Variants in LAPTM4A observed in about 807,000 individuals in gnomAD.
The protein encoded by LAPTM4A is lysosomal protein transmembrane 4 alpha.
Under a neutral mutation model 29.9 loss-of-function variants are expected in LAPTM4A, and 19 were observed. The observed-to-expected ratio is 0.64, with a 90% CI of 0.44 to 0.93. The LOEUF (loss-of-function observed/expected upper bound fraction) is 0.93, where lower values mean the gene tolerates loss of function less well. Ranked by LOEUF, LAPTM4A falls within the 40% of genes least tolerant of loss-of-function variation. The probability of loss-of-function intolerance (pLI) is 0.00; values close to 1 mark genes in which losing one functional copy is unlikely to be tolerated. For missense variants in LAPTM4A, 293 were observed against 288.5 expected, an observed-to-expected ratio of 1.02 and a Z score of -0.11; for synonymous variants, 105 against 102.1, an observed-to-expected ratio of 1.03 and a Z score of -0.17.
chr2:20,040,537 G>C (rs1470864530), intron 2 of LAPTM4A, among the ~76,000 whole-genome samples: 2 of 152,152 alleles, frequency 1.3e-5, no homozygotes, highest in Non-Finnish European at 2.9e-5. Context: ...CAACATTTTG[G>C]TCAACAATGG....
Position 20,035,079 on chromosome 2 carries a change from C to CA in LAPTM4A, c.433-18dup. ...AAAATCAGGCTATTAAAGAAACACACACACATTTACAAGTCAGCCATCGCA... is the reference window on the plus strand; with the variant it reads ...AAAATCAGGCTATTAAAGAAACACACAACACATTTACAAGTCAGCCATCGCA... On this transcript the variant is annotated splice_polypyrimidine_tract_variant and intron_variant, in intron 4 of 6. Transcript: ENST00000175091. The CA allele has an allele frequency of 6.4e-7, 1 of 1,560,110 alleles. No homozygotes were observed. The highest frequency in any genetic ancestry group is 8.8e-7 in the Non-Finnish European group (1 of 1,133,076).
At chr2:20,043,624 C>T (rs1292211070) in intron 1 of LAPTM4A, among the ~76,000 whole-genome samples, 2 of 152,248 alleles carry the variant, frequency 1.3e-5, no homozygotes, top group African/African-American at 4.8e-5. Flanking sequence ...AGTCATTTCA[C>T]TAACATCCGC....
intron 4 of LAPTM4A, among the ~76,000 whole-genome samples, chr2:20,035,774 A>C (rs1673665197): frequency 6.6e-6 from 1 of 152,196 alleles, no homozygotes; most frequent in Admixed American, 6.5e-5. Context: ...GAGGAGAGAA[A>C]ACACCAGGGT....
chr2:20,035,986 C>A (rs906274512), intron 4 of LAPTM4A, among the ~76,000 whole-genome samples: 1 of 152,116 alleles, frequency 6.6e-6, no homozygotes, highest in African/African-American at 2.4e-5. Flanking sequence ...CAAACCCCAG[C>A]CAGGTTGTCT....
At chr2:20,043,426 G>C (rs187855391) in intron 1 of LAPTM4A, among the ~76,000 whole-genome samples, 1 of 152,228 alleles carries the variant, frequency 6.6e-6, no homozygotes, top group East Asian at 1.9e-4. Context: ...ACGTTGGCCA[G>C]GCTGGTCTCA....
chr2:20,036,702 T>C (rs1187387799), intron 4 of LAPTM4A, among the ~76,000 whole-genome samples: 3 of 151,916 alleles, frequency 2.0e-5, no homozygotes, highest in Non-Finnish European at 4.4e-5. Context: ...CATATCTCCT[T>C]CTGACCACCT....
chr2:20,042,722 T>G (rs566462708), intron 1 of LAPTM4A, among the ~76,000 whole-genome samples: 1 of 152,352 alleles, frequency 6.6e-6, no homozygotes, highest in South Asian at 2.1e-4. Flanking sequence ...GAGTTGTGCC[T>G]GTAGTTGTTG....
intron 1 of LAPTM4A, among the ~76,000 whole-genome samples, chr2:20,043,211 C>CA (rs779694797): frequency 2.3e-4 from 18 of 78,286 alleles, no homozygotes; most frequent in African/African-American, 8.2e-4. Context: ...TAGCTGGGAC[C>CA]TTTTTTTTTT....
chr2:20,045,647 T>C (rs1673902322), intron 1 of LAPTM4A, among the ~76,000 whole-genome samples: 1 of 152,196 alleles, frequency 6.6e-6, no homozygotes, highest in African/African-American at 2.4e-5. Context: ...CTACATCTTA[T>C]GTAAGTGTGT....
In LAPTM4A at chr2:20,034,985, G is replaced by A. The variant is rs780318440; in HGVS notation, c.510C>T (p.Ala170=). Residue 170 remains alanine (A), a synonymous_variant, in exon 5 of 7, where the codon GCC becomes GCT. Transcript: ENST00000175091. Reference sequence around the variant, plus strand: ...AACGTACCTTAAAAATGATGAATAAGGCAAAGAACACAAGAACAATGAACA... The same window carrying A: ...AACGTACCTTAAAAATGATGAATAAAGCAAAGAACACAAGAACAATGAACA... ...CLLFIVLVFF[A]LFIIFKAYLI... The A allele has an allele frequency of 7.4e-6, 12 of 1,611,718 alleles. No homozygotes were observed. Among genetic ancestry groups the A allele is most frequent in the Non-Finnish European group, 6.8e-6 (8 of 1,178,450 alleles).
intron 1 of LAPTM4A, among the ~76,000 whole-genome samples, chr2:20,042,290 A>G (rs1244441407): frequency 6.6e-6 from 1 of 152,200 alleles, no homozygotes; most frequent in East Asian, 1.9e-4. Flanking sequence ...AATTTTCTGA[A>G]TATCACATGA....
Position 20,040,824 on chromosome 2 carries a change from A to G in LAPTM4A, c.232+67T>C, listed in dbSNP as rs963813977. 3 of 1,411,616 alleles carry G rather than the reference A, an allele frequency of 2.1e-6. No individual in the cohort carries two copies. In the African/African-American group the frequency reaches 4.3e-5, roughly 20 times the overall value. The allele number at this position is 1,411,616 out of a possible 1,614,324, so 87.4% of individuals were successfully genotyped here. On this transcript the variant is annotated intron_variant, in intron 2 of 6. Transcript: ENST00000175091. ...TTTCTCAGAATGTGTCCCCATCATT[A>G]AACAACACAGGACTGTATATAAAAA...
chr2:20,035,291 G>A, intron 4 of LAPTM4A: 1 of 469,708 alleles, frequency 2.1e-6, no homozygotes, highest in Non-Finnish European at 3.9e-6. Flanking sequence ...GCTCCAAAAA[G>A]TCTAAATTTA....
chr2:20,046,902 A>C (rs1349530072), intron 1 of LAPTM4A, among the ~76,000 whole-genome samples: 3 of 149,646 alleles, frequency 2.0e-5, no homozygotes, highest in African/African-American at 7.3e-5. Flanking sequence ...CTGGGATTAC[A>C]GGCGTGAGCC....
At chr2:20,041,058 G>T in intron 1 of LAPTM4A, 47 bp from the exon 2 acceptor site, 1 of 1,586,428 alleles carries the variant, frequency 6.3e-7, no homozygotes, top group Non-Finnish European at 8.6e-7. Context: ...CCATCACGAC[G>T]CAATCTTAGC....
intron 4 of LAPTM4A, 87 bp downstream of exon 4, chr2:20,037,229 A>G: frequency 8.4e-7 from 1 of 1,184,574 alleles, no homozygotes; most frequent in South Asian, 1.8e-5. Context: ...GTAGTTAAAA[A>G]TAATACCTAA....
rs1024535087 is a variant in LAPTM4A, at chr2:20,040,046, C to CA, written c.232+844dup. Among the ~76,000 whole-genome samples the CA allele has an allele frequency of 7.3e-5, 11 of 150,370 alleles. No individual in the cohort carries two copies. In the South Asian group the frequency reaches 1.3e-3, roughly 17 times the overall value. ...GGGCAACAAGCGCAAAACTCTGTCT[C>CA]AAAAAAAAAGAAAGGCATTTATCCC... On this transcript the variant is annotated intron_variant, in intron 2 of 6. Coordinates refer to ENST00000175091, the MANE Select transcript of LAPTM4A (RefSeq NM_014713.5).
intron 1 of LAPTM4A, among the ~76,000 whole-genome samples, chr2:20,050,366 A>G (rs1233402492): frequency 1.3e-5 from 2 of 152,192 alleles, no homozygotes; most frequent in African/African-American, 4.8e-5. Flanking sequence ...TGTGTCTGGG[A>G]TAACTCTCTT....
At chr2:20,046,113 T>C (rs1031078667) in intron 1 of LAPTM4A, among the ~76,000 whole-genome samples, 17 of 152,314 alleles carry the variant, frequency 1.1e-4, no homozygotes, top group Admixed American at 4.6e-4. Context: ...AAACACCGCA[T>C]GTTCTCACTC....
Sources: gnomAD v4.1 joint callset for allele counts (sites outside exome capture counted in the v4.1 genomes callset) on GRCh38, gnomAD v4.1.1 for gene constraint, MANE v1.5 for transcripts, NCBI Gene and HGNC (gene_info 2026-07-23, HGNC 2026-07-21) for gene names.